DPP10: variants seen among roughly 807,000 people sequenced by gnomAD.
The protein encoded by DPP10 is inactive dipeptidyl peptidase 10.
A neutral mutation model predicts 120.9 loss-of-function variants in DPP10; 33 were observed. The ratio of observed to expected loss-of-function variants is 0.27; its 90% CI spans 0.21 to 0.37. The LOEUF (loss-of-function observed/expected upper bound fraction) is 0.37, where lower values mean the gene tolerates loss of function less well. DPP10 is among the 10% of genes least tolerant of loss of function. DPP10 has a pLI of 1.00. For missense variants in DPP10, 816 were observed against 942.8 expected (o/e 0.87, Z 1.76); for synonymous variants, 337 against 326.1 (o/e 1.03, Z -0.36).
At chr2:115,598,813 C>T (rs1575292693) in intron 5 of DPP10, among the ~76,000 whole-genome samples, 1 of 141,744 alleles carries the variant, frequency 7.1e-6, no homozygotes, top group African/African-American at 2.6e-5. Context: ...GCCTGAAGAG[C>T]TTTTTTTTTT....
At chr2:114,600,632 C>T (rs1243781653) in intron 1 of DPP10, among the ~76,000 whole-genome samples, 7 of 151,834 alleles carry the variant, frequency 4.6e-5, no homozygotes, top group African/African-American at 1.4e-4. Flanking sequence ...GACACAGCTA[C>T]AAGCAATTTT....
chr2:114,543,995 A>G (rs1384028967), intron 1 of DPP10, among the ~76,000 whole-genome samples: 1 of 151,772 alleles, frequency 6.6e-6, no homozygotes. Flanking sequence ...GTATTTGACC[A>G]TTCTAGATGT....
At chr2:115,642,521 G>T (rs1025417627) in intron 5 of DPP10, among the ~76,000 whole-genome samples, 2 of 152,084 alleles carry the variant, frequency 1.3e-5, no homozygotes, top group African/African-American at 4.8e-5. Context: ...TTTGGACTCT[G>T]CAGTCTCCAG....
At chr2:115,739,972 G>A (rs1194674420) in intron 9 of DPP10, 79 bp downstream of exon 9, 14 of 1,490,596 alleles carry the variant, frequency 9.4e-6, no homozygotes, top group African/African-American at 4.2e-5. Flanking sequence ...CTTGGTTCTT[G>A]AACAAGTTGT....
At chr2:115,769,673 A>G (rs929589841) in intron 13 of DPP10, among the ~76,000 whole-genome samples, 4 of 151,988 alleles carry the variant, frequency 2.6e-5, no homozygotes, top group African/African-American at 9.6e-5. Context: ...TTATATATGC[A>G]TTTATAGATG....
At chr2:114,691,250 G>C (rs1699726007) in intron 1 of DPP10, among the ~76,000 whole-genome samples, 1 of 151,998 alleles carries the variant, frequency 6.6e-6, no homozygotes, top group African/African-American at 2.4e-5. Flanking sequence ...TCAATACCTA[G>C]TTTACTGAGA....
chr2:114,735,206 T>C (rs1677301790), intron 1 of DPP10, among the ~76,000 whole-genome samples: 1 of 152,136 alleles, frequency 6.6e-6, no homozygotes, highest in Non-Finnish European at 1.5e-5. Flanking sequence ...GTATTTACTT[T>C]GCTGTTATCC....
chr2:114,783,436 C>T (rs568595519), intron 1 of DPP10, among the ~76,000 whole-genome samples: 7 of 150,286 alleles, frequency 4.7e-5, no homozygotes, highest in East Asian at 1.9e-4. Flanking sequence ...AAGAAGAGTG[C>T]GTTAAAACAA....
intron 1 of DPP10, among the ~76,000 whole-genome samples, chr2:115,033,893 C>CTTTTTTTTTTTTTTTT (rs965717193): frequency 1.1e-5 from 1 of 89,862 alleles, no homozygotes; most frequent in Non-Finnish European, 2.1e-5. Flanking sequence ...TTTTCTTTTT[C>CTTTTTTTTTTTTTTTT]TTTTTTTTTT....
intron 10 of DPP10, among the ~76,000 whole-genome samples, chr2:115,751,279 C>T (rs529916441): frequency 6.6e-6 from 1 of 152,200 alleles, no homozygotes; most frequent in Non-Finnish European, 1.5e-5. Flanking sequence ...TTTTAATATT[C>T]ACATTGCTAA....
Position 114,924,393 on chromosome 2 carries a change from G to A in DPP10, c.61-384846G>A, listed in dbSNP as rs1695439553. ...AACACAAAAATTAGTCAGGCATGGT[G>A]GTGTGTGCCGTTAATCCCAGCTACT... On this transcript the variant is annotated intron_variant, in intron 1 of 25. Coordinates refer to ENST00000410059, the MANE Select transcript of DPP10 (RefSeq NM_020868.6). 2.6e-5 allele frequency among the ~76,000 whole-genome samples: 4 copies of A among 152,188 alleles called. No individual in the cohort carries two copies. The South Asian group carries it at 8.3e-4, about 32-fold the overall frequency.
At chr2:115,140,061 T>C (rs960421830) in intron 1 of DPP10, among the ~76,000 whole-genome samples, 2 of 152,158 alleles carry the variant, frequency 1.3e-5, no homozygotes, top group African/African-American at 2.4e-5. Flanking sequence ...GTGGGGTATA[T>C]ATTACAAGAA....
Position 115,202,403 on chromosome 2 carries a change from C to T in DPP10, c.61-106836C>T, listed in dbSNP as rs145255026. Among the ~76,000 whole-genome samples the T allele has an allele frequency of 2.6e-5, 4 of 152,256 alleles. No homozygotes were observed. In the East Asian group the frequency reaches 5.8e-4, roughly 22 times the overall value. On this transcript the variant is annotated intron_variant, in intron 1 of 25. Transcript: ENST00000410059. ...GGCTTTATGGAATTGAACATATTTT[C>T]AATTTGCTGATTAAACTCCCTGGGA... is the stretch of plus-strand genomic sequence containing the variant.
intron 1 of DPP10, among the ~76,000 whole-genome samples, chr2:114,568,489 G>C (rs560210057): frequency 6.6e-6 from 1 of 152,252 alleles, no homozygotes; most frequent in South Asian, 2.1e-4. Context: ...ATTGAGTTCT[G>C]TAGTTACCAC....
chr2:114,987,709 G>C (rs184064238), intron 1 of DPP10, among the ~76,000 whole-genome samples: 3 of 151,008 alleles, frequency 2.0e-5, no homozygotes, highest in Non-Finnish European at 4.4e-5. Context: ...TATTCATTTC[G>C]CTCACGTGAA....
intron 5 of DPP10, among the ~76,000 whole-genome samples, chr2:115,592,006 C>T (rs564636894): frequency 1.2e-4 from 18 of 152,160 alleles, no homozygotes; most frequent in Admixed American, 2.6e-4. Context: ...GCAAGGTGAG[C>T]GCCCTGAACA....
intron 1 of DPP10, among the ~76,000 whole-genome samples, chr2:115,255,497 A>G (rs1274390593): frequency 6.6e-6 from 1 of 152,174 alleles, no homozygotes; most frequent in Admixed American, 6.5e-5. Flanking sequence ...CTTGTTACTT[A>G]TGCAAATTTC....
intron 7 of DPP10, 148 bp downstream of exon 7, chr2:115,690,069 A>G (rs982031274): frequency 5.9e-6 from 4 of 676,712 alleles, no homozygotes; most frequent in Non-Finnish European, 9.7e-6. Context: ...CTAATAGTCC[A>G]ACTTAAGAAT....
chr2:115,662,061 T>G (rs1473681880), intron 5 of DPP10, among the ~76,000 whole-genome samples: 1 of 152,190 alleles, frequency 6.6e-6, no homozygotes, highest in Admixed American at 6.5e-5. Context: ...CATTCTACTT[T>G]CTGCTTCTAT....
Sources: allele counts gnomAD v4.1 joint callset (sites outside exome capture counted in the v4.1 genomes callset), GRCh38; gene constraint gnomAD v4.1.1; transcripts MANE v1.5; gene names NCBI Gene and HGNC (gene_info 2026-07-23, HGNC 2026-07-21).